The following RBFOX1 variants were observed in gnomAD, a reference collection of about 807,000 sequenced individuals.
RBFOX1 encodes the protein RNA binding fox-1 homolog 1, also known as RNA binding protein fox-1 homolog 1.
Under a neutral mutation model 57.7 loss-of-function variants are expected in RBFOX1, and 8 were observed. That is an observed-to-expected ratio of 0.14 (90% CI 0.08 to 0.25). The LOEUF is 0.25. Among genes scored for constraint, RBFOX1 ranks in the 10% least tolerant of loss-of-function variants. The pLI, the probability that RBFOX1 is intolerant of heterozygous loss-of-function variation, is 1.00. For synonymous variants in RBFOX1, 326 were observed against 222.4 expected, an observed-to-expected ratio of 1.47 and a Z score of -4.15; for missense variants, 611 against 548.5, an observed-to-expected ratio of 1.11 and a Z score of -1.14.
At chr16:7,537,844 C>T (rs1258353150) in intron 5 of RBFOX1, among the ~76,000 whole-genome samples, 1 of 152,182 alleles carries the variant, frequency 6.6e-6, no homozygotes, top group Non-Finnish European at 1.5e-5. Context: ...GAAAACAATT[C>T]TGGATAAATT....
At chr16:6,454,756 A>G (rs1043459506) in intron 2 of RBFOX1, among the ~76,000 whole-genome samples, 2 of 151,734 alleles carry the variant, frequency 1.3e-5, no homozygotes, top group African/African-American at 4.8e-5. Flanking sequence ...GACTTGAGTG[A>G]GAAGAGGCAC....
chr16:7,475,231 T>G (rs1314135456), intron 4 of RBFOX1, among the ~76,000 whole-genome samples: 3 of 151,402 alleles, frequency 2.0e-5, no homozygotes, highest in Non-Finnish European at 2.9e-5. Flanking sequence ...AAGGGAGGAG[T>G]GTGTAGTTCT....
intron 3 of RBFOX1, among the ~76,000 whole-genome samples, chr16:6,671,126 ATTATTTC>A (rs1254905902): frequency 6.6e-6 from 1 of 152,200 alleles, no homozygotes; most frequent in Non-Finnish European, 1.5e-5. Flanking sequence ...AATCTTACTC[ATTATTTC>A]TTATTATTCC....
chr16:6,406,619 G>C lies in RBFOX1; in HGVS notation c.-64+89562G>C, dbSNP rs75206339. ...ATTTTAAGCACCCTATTGATACTTGGCATCTCTGCAGTAATAGAATTTTGA... is the reference window on the plus strand; with the variant it reads ...ATTTTAAGCACCCTATTGATACTTGCCATCTCTGCAGTAATAGAATTTTGA... On this transcript the variant is annotated intron_variant, in intron 2 of 15. Transcript: ENST00000550418. 3.7e-3 allele frequency among the ~76,000 whole-genome samples: 559 copies of C among 150,838 alleles called. 3 individuals carry two copies. Among genetic ancestry groups the C allele is most frequent in the African/African-American group, 0.013 (522 of 41,008 alleles).
chr16:7,165,404 A>G (rs1291337822), intron 4 of RBFOX1, among the ~76,000 whole-genome samples: 1 of 147,324 alleles, frequency 6.8e-6, no homozygotes, highest in Non-Finnish European at 1.5e-5. Flanking sequence ...TAATAATAAT[A>G]ATAATGATAA....
At chr16:6,016,696 A>G (rs1336690108), upstream of RBFOX1, among the ~76,000 whole-genome samples, 2 of 152,222 alleles carry the variant, frequency 1.3e-5, no homozygotes, top group Non-Finnish European at 2.9e-5. Flanking sequence ...GAGGAGCCAA[A>G]GTCTCCAGGT....
At position 6,003,822 on chromosome 16, in the gene RBFOX1, GC is replaced by G. The variant is rs71404573; in HGVS notation, c.351+136493del. On this transcript the variant is annotated intron_variant, in intron 4 of 19. Transcript: ENST00000641259. ...GGTCAAATGAGTGAGGAGGGTCTGT[GC>G]CCCCCAACTGAGGCCTCTTGTCAAA... is the stretch of plus-strand genomic sequence containing the variant. 5.6e-3 allele frequency among the ~76,000 whole-genome samples: 851 copies of G among 152,280 alleles called. 4 individuals are homozygous for G. The highest frequency in any genetic ancestry group is 0.017 in the Middle Eastern group (5 of 294).
At chr16:5,649,988 G>T (rs999852475) in intron 3 of RBFOX1, among the ~76,000 whole-genome samples, 1 of 152,182 alleles carries the variant, frequency 6.6e-6, no homozygotes, top group Non-Finnish European at 1.5e-5. Context: ...ACAGGAAGAG[G>T]CAGAGTCGAT....
At chr16:5,266,400 G>C (rs1322804250) in intron 1 of RBFOX1, among the ~76,000 whole-genome samples, 1 of 152,106 alleles carries the variant, frequency 6.6e-6, no homozygotes, top group African/African-American at 2.4e-5. Flanking sequence ...GAGAACTGCT[G>C]CTCTCATAAA....
intron 4 of RBFOX1, among the ~76,000 whole-genome samples, chr16:7,092,951 A>G (rs897353566): frequency 2.6e-5 from 4 of 152,170 alleles, no homozygotes; most frequent in Non-Finnish European, 5.9e-5. Flanking sequence ...CATTCGTTGA[A>G]TGGTTCCTTT....
At chr16:6,032,898 T>C (rs28492669) in intron 1 of RBFOX1, among the ~76,000 whole-genome samples, 2,119 of 150,724 alleles carry the variant, frequency 0.014, 57 homozygotes, top group African/African-American at 0.05. Flanking sequence ...TTTTTTTTTT[T>C]CCCTCTCTCC....
chr16:7,669,385 G>C (rs916867277), intron 13 of RBFOX1, among the ~76,000 whole-genome samples: 1 of 152,142 alleles, frequency 6.6e-6, no homozygotes, highest in Non-Finnish European at 1.5e-5. Flanking sequence ...AAATTATAAT[G>C]AACTGTTAAA....
At chr16:6,696,601 A>G (rs902724700) in intron 3 of RBFOX1, among the ~76,000 whole-genome samples, 1 of 152,196 alleles carries the variant, frequency 6.6e-6, no homozygotes, top group Admixed American at 6.5e-5. Flanking sequence ...CATAAATGAT[A>G]ATTACGTCTC....
chr16:6,809,889 A>G (rs1470480942), intron 3 of RBFOX1, among the ~76,000 whole-genome samples: 1 of 152,054 alleles, frequency 6.6e-6, no homozygotes, highest in African/African-American at 2.4e-5. Context: ...ATGAAATTGG[A>G]GAGAGTTGCT....
intron 3 of RBFOX1, among the ~76,000 whole-genome samples, chr16:5,737,524 A>AT (rs35288763): frequency 0.014 from 1,740 of 128,256 alleles, 22 homozygotes; most frequent in African/African-American, 0.035. Context: ...AATATTCTGG[A>AT]TTTTTTTTTT....
intron 1 of RBFOX1, among the ~76,000 whole-genome samples, chr16:5,334,608 T>C (rs1388958539): frequency 6.6e-6 from 1 of 152,086 alleles, no homozygotes; most frequent in African/African-American, 2.4e-5. Flanking sequence ...TTTAAAAAGC[T>C]ATGGTATATT....
At chr16:6,134,910 A>G in intron 1 of RBFOX1, among the ~76,000 whole-genome samples, 1 of 151,908 alleles carries the variant, frequency 6.6e-6, no homozygotes, top group East Asian at 1.9e-4. Context: ...GTTGTTACAT[A>G]TGTATGCATG....
chr16:5,493,323 T>G (rs911052105), intron 2 of RBFOX1, among the ~76,000 whole-genome samples: 2 of 152,220 alleles, frequency 1.3e-5, no homozygotes, highest in African/African-American at 4.8e-5. Flanking sequence ...CCTCCCACCT[T>G]GGCCTCCCAA....
At chr16:6,044,797 TG>T (rs2095478073) in intron 1 of RBFOX1, among the ~76,000 whole-genome samples, 1 of 152,242 alleles carries the variant, frequency 6.6e-6, no homozygotes, top group Non-Finnish European at 1.5e-5. Flanking sequence ...ACTGCCTGTC[TG>T]GGACACAGCC....
Sources: gnomAD v4.1 joint callset for allele counts (sites outside exome capture counted in the v4.1 genomes callset) on GRCh38, gnomAD v4.1.1 for gene constraint, MANE v1.5 for transcripts, NCBI Gene and HGNC (gene_info 2026-07-23, HGNC 2026-07-21) for gene names.